The following CFAP20DC variants were observed in gnomAD, a reference collection of about 807,000 sequenced individuals.
The protein encoded by CFAP20DC is protein CFAP20DC.
Under a neutral mutation model 101.7 loss-of-function variants are expected in CFAP20DC, and 84 were observed. The ratio of observed to expected loss-of-function variants is 0.83; its 90% CI spans 0.69 to 0.99. The LOEUF (loss-of-function observed/expected upper bound fraction) is 0.99, where lower values mean the gene tolerates loss of function less well. CFAP20DC is among the 50% of genes least tolerant of loss of function. The pLI is 0.00. For synonymous variants in CFAP20DC, 359 were observed against 351.2 expected, an observed-to-expected ratio of 1.02 and a Z score of -0.25; for missense variants, 1,007 against 970.3, an observed-to-expected ratio of 1.04 and a Z score of -0.50.
chr3:58,814,156 C>T (rs918399177), intron 14 of CFAP20DC, among the ~76,000 whole-genome samples: 1 of 151,774 alleles, frequency 6.6e-6, no homozygotes, highest in Non-Finnish European at 1.5e-5. Flanking sequence ...CATCACAGAC[C>T]TGATATTCAG....
At chr3:58,813,745 C>A (rs2074870576) in intron 14 of CFAP20DC, among the ~76,000 whole-genome samples, 1 of 151,816 alleles carries the variant, frequency 6.6e-6, no homozygotes, top group South Asian at 2.1e-4. Context: ...AGTCACTTAG[C>A]CTGACTACCT....
At chr3:58,796,699 T>C (rs954342065) in intron 15 of CFAP20DC, among the ~76,000 whole-genome samples, 1 of 152,152 alleles carries the variant, frequency 6.6e-6, no homozygotes, top group African/African-American at 2.4e-5. Flanking sequence ...TATTGTGTTT[T>C]GCTATATTGT....
At chr3:59,044,339 A>G (rs77200938) in intron 3 of CFAP20DC, among the ~76,000 whole-genome samples, 311 of 152,290 alleles carry the variant, frequency 2.0e-3, no homozygotes, top group Non-Finnish European at 3.4e-3. Context: ...AAAAATAGCT[A>G]TAAATTTCTG....
At chr3:59,039,298 T>C (rs1455371163) in intron 4 of CFAP20DC, among the ~76,000 whole-genome samples, 3 of 152,104 alleles carry the variant, frequency 2.0e-5, no homozygotes, top group Non-Finnish European at 4.4e-5. Flanking sequence ...AAGTTATAGG[T>C]CATTTATTGT....
intron 6 of CFAP20DC, 22 bp from the exon 7 acceptor site, chr3:58,884,731 C>A: frequency 1.3e-6 from 2 of 1,583,374 alleles, no homozygotes; most frequent in African/African-American, 1.4e-5. Flanking sequence ...GACAAACATT[C>A]ATTTTCAAAA....
At chr3:58,943,752 A>G (rs906312354) in intron 4 of CFAP20DC, among the ~76,000 whole-genome samples, 1 of 152,172 alleles carries the variant, frequency 6.6e-6, no homozygotes, top group African/African-American at 2.4e-5. Context: ...TACGCTTCAG[A>G]AGGTGGGTAA....
chr3:58,787,881 A>C (rs2072504377), intron 15 of CFAP20DC, among the ~76,000 whole-genome samples: 1 of 151,796 alleles, frequency 6.6e-6, no homozygotes. Flanking sequence ...GCAAATTAAC[A>C]CACAAACAGG....
intron 4 of CFAP20DC, among the ~76,000 whole-genome samples, chr3:58,980,091 C>A (rs1481685529): frequency 6.6e-6 from 1 of 152,146 alleles, no homozygotes; most frequent in African/African-American, 2.4e-5. Flanking sequence ...AAGCCTGATG[C>A]ATTATCTGTA....
At position 58,799,733 on chromosome 3, in the gene CFAP20DC, CTGTGTGTG is replaced by C. The variant is rs112827949; in HGVS notation, c.2237+6654_2237+6661del. Among the ~76,000 whole-genome samples, 8,624 of 142,936 alleles carry C rather than the reference CTGTGTGTG, an allele frequency of 0.06. 468 individuals are homozygous for C. Among genetic ancestry groups the C allele is most frequent in the East Asian group, 0.33 (1,644 of 4,938 alleles). The allele number at this position is 142,936 out of a possible 152,430, so 93.8% of individuals were successfully genotyped here. Reference sequence around the variant, plus strand: ...AGTGTGTGTGTGTCTGTGTGTGTGTCTGTGTGTGTGTGTGTGTGTGTGTGTGTGTGTGT... The same window carrying C: ...AGTGTGTGTGTGTCTGTGTGTGTGTCTGTGTGTGTGTGTGTGTGTGTGTGT... On this transcript the variant is annotated intron_variant, in intron 15 of 16. Coordinates refer to ENST00000482387, the MANE Select transcript of CFAP20DC (RefSeq NM_001394063.1). This position sits in a 1 kb window ranked among gnomAD's most constrained non-coding sequence, Gnocchi z 4.9.
intron 15 of CFAP20DC, among the ~76,000 whole-genome samples, chr3:58,762,920 T>C (rs2107393637): frequency 6.6e-6 from 1 of 152,264 alleles, no homozygotes; most frequent in Non-Finnish European, 1.5e-5. Context: ...GTTAGTCTGA[T>C]GGGCTTCCCT....
intron 4 of CFAP20DC, among the ~76,000 whole-genome samples, chr3:58,962,653 C>T (rs2091234433): frequency 6.6e-6 from 1 of 152,178 alleles, no homozygotes; most frequent in Non-Finnish European, 1.5e-5. Context: ...TCTACCCTTG[C>T]TGATGGATCT....
chr3:59,000,813 G>A (rs913965749), intron 4 of CFAP20DC, among the ~76,000 whole-genome samples: 9 of 152,132 alleles, frequency 5.9e-5, no homozygotes, highest in Middle Eastern at 3.4e-3. Flanking sequence ...AGAGTTTCTG[G>A]AACAGAAACC....
At position 58,869,543 on chromosome 3, in the gene CFAP20DC, C is replaced by T; in HGVS notation, c.853-53G>A. On this transcript the variant is annotated intron_variant, in intron 8 of 16. Coordinates refer to ENST00000482387, the MANE Select transcript of CFAP20DC (RefSeq NM_001394063.1). This position sits in a 1 kb window ranked among gnomAD's most constrained non-coding sequence, Gnocchi z 4.3. ...AAAATATAGCAACTACATTTGTTTT[C>T]TGTAGAAGCTATATAGAAAACATAA... The T allele has an allele frequency of 2.2e-6, 3 of 1,360,460 alleles. No individual in the cohort carries two copies. Among genetic ancestry groups the T allele is most frequent in the Non-Finnish European group, 3.0e-6 (3 of 1,008,922 alleles). 84.3% of individuals were successfully genotyped at this position (1,360,460 alleles called of 1,614,324 possible). A position where few individuals can be genotyped will look rare whatever the true frequency, so the allele number is the denominator to read the frequency against.
intron 3 of CFAP20DC, among the ~76,000 whole-genome samples, chr3:59,043,421 G>A (rs528286734): frequency 1.3e-5 from 2 of 152,140 alleles, no homozygotes; most frequent in South Asian, 4.2e-4. Context: ...GCTGAGAACT[G>A]TCCACCGGAT....
At chr3:58,967,730 T>G (rs181386857) in intron 4 of CFAP20DC, among the ~76,000 whole-genome samples, 169 of 152,284 alleles carry the variant, frequency 1.1e-3, no homozygotes, top group African/African-American at 3.7e-3. Context: ...TATTTTAGGT[T>G]TAGGGGTACA....
At chr3:58,845,199 C>G (rs2077514802) in intron 13 of CFAP20DC, among the ~76,000 whole-genome samples, 2 of 150,440 alleles carry the variant, frequency 1.3e-5, no homozygotes, top group Admixed American at 6.6e-5. Context: ...ACAAAAAACC[C>G]TTCAAAAAAT....
At position 59,002,245 on chromosome 3, in the gene CFAP20DC, A is replaced by G. The variant is rs902210229; in HGVS notation, c.278+37312T>C. Among the ~76,000 whole-genome samples, 1 of 152,218 alleles carries G rather than the reference A, an allele frequency of 6.6e-6. No individual in the cohort carries two copies. The highest frequency in any genetic ancestry group is 1.5e-5 in the Non-Finnish European group (1 of 68,044). The stretch of plus-strand genomic sequence containing the variant: ...TACTCCCAGTAGTTGAGGATATGAT[A>G]AGATGAGTGTGTGGCACACACACAT... On this transcript the variant is annotated intron_variant, in intron 4 of 16. Coordinates refer to ENST00000482387, the MANE Select transcript of CFAP20DC (RefSeq NM_001394063.1). This position sits in a 1 kb window ranked among gnomAD's most constrained non-coding sequence, Gnocchi z 4.5.
At chr3:59,040,813 C>G (rs1699305817) in intron 3 of CFAP20DC, among the ~76,000 whole-genome samples, 1 of 151,944 alleles carries the variant, frequency 6.6e-6, no homozygotes, top group Non-Finnish European at 1.5e-5. Context: ...CATATTTGAT[C>G]AAATATGCAT....
intron 5 of CFAP20DC, among the ~76,000 whole-genome samples, chr3:58,932,958 A>C (rs959934808): frequency 1.9e-4 from 29 of 152,332 alleles, no homozygotes; most frequent in Admixed American, 7.2e-4. Context: ...TAAATGCTCC[A>C]ATTAAAAAAC....
Sources: gnomAD v4.1 joint callset for allele counts (sites outside exome capture counted in the v4.1 genomes callset) on GRCh38, gnomAD v4.1.1 for gene constraint, Gnocchi (gnomAD v3.1) non-coding constraint, MANE v1.5 for transcripts, NCBI Gene and HGNC (gene_info 2026-07-23, HGNC 2026-07-21) for gene names.